The following KIAA1191 variants were observed in gnomAD, a reference collection of about 807,000 sequenced individuals.
KIAA1191 encodes putative monooxygenase p33MONOX.
In KIAA1191, 22 loss-of-function variants were observed where a neutral mutation model predicts 31.1. The observed-to-expected ratio is 0.71, with a 90% CI of 0.51 to 1.01. KIAA1191 has a LOEUF of 1.01. Ranked by LOEUF, KIAA1191 falls within the 50% of genes least tolerant of loss-of-function variation. KIAA1191 has a pLI of 0.00. For missense variants in KIAA1191, 319 were observed against 388.0 expected (o/e 0.82, Z 1.49); for synonymous variants, 130 against 143.9 (o/e 0.90, Z 0.69).
chr5:176,349,540 C>T (rs899140315), intron 6 of KIAA1191, among the ~76,000 whole-genome samples: 7 of 152,074 alleles, frequency 4.6e-5, no homozygotes, highest in Admixed American at 6.5e-5. Context: ...GGCATGGTGG[C>T]GCATGCCTGT....
intron 1 of KIAA1191, among the ~76,000 whole-genome samples, chr5:176,360,139 T>G (rs1167329669): frequency 6.6e-6 from 1 of 151,684 alleles, no homozygotes; most frequent in South Asian, 2.1e-4. Context: ...CAGATATTAT[T>G]TATCCCAATC....
At chr5:176,350,169 C>A (rs568440823) in intron 6 of KIAA1191, among the ~76,000 whole-genome samples, 211 of 152,316 alleles carry the variant, frequency 1.4e-3, no homozygotes, top group African/African-American at 4.7e-3. Flanking sequence ...GCGGTCTTCA[C>A]TGAAAGAAAG....
intron 7 of KIAA1191, 80 bp from the exon 8 acceptor site, chr5:176,348,143 A>G (rs1391153654): frequency 6.9e-6 from 11 of 1,598,220 alleles, no homozygotes; most frequent in African/African-American, 1.3e-5. Context: ...AAGAACAGGG[A>G]ACTATCCCTT....
At chr5:176,354,553 G>C (rs1045410758) in intron 4 of KIAA1191, 7 of 152,288 alleles carry the variant, frequency 4.6e-5, no homozygotes, top group Admixed American at 4.6e-4. Context: ...CTGCACGAAG[G>C]ACTGTGAGGT....
intron 4 of KIAA1191, among the ~76,000 whole-genome samples, chr5:176,354,826 C>T (rs747476386): frequency 4.6e-5 from 7 of 152,078 alleles, no homozygotes; most frequent in Non-Finnish European, 8.8e-5. Context: ...GCAGGGATGA[C>T]GACGGGGACC....
Position 176,346,564 on chromosome 5 carries a change from G to A in KIAA1191, c.*1036C>T, listed in dbSNP as rs1380567546. On this transcript the variant is annotated 3_prime_UTR_variant, in exon 9 of 9. Transcript: ENST00000298569. ...TAGACTTAATTTTCTCTCTTAGGAA[G>A]TTTTTAACCAAATTACAGCTAAATT... 6.6e-6 allele frequency: 1 copy of A among 152,258 alleles called. No individual in the cohort carries two copies. The highest frequency in any genetic ancestry group is 2.4e-5 in the African/African-American group (1 of 41,474). The allele number at this position is 152,258 out of a possible 1,614,324, so 9.4% of individuals were successfully genotyped here. A position where few individuals can be genotyped will look rare whatever the true frequency, so the allele number is the denominator to read the frequency against.
At chr5:176,353,484 C>T (rs1461439280) in intron 4 of KIAA1191, 1 of 152,120 alleles carries the variant, frequency 6.6e-6, no homozygotes, top group Non-Finnish European at 1.5e-5. Flanking sequence ...TCTGGAAGAA[C>T]TGAGAAGAAA....
Position 176,361,167 on chromosome 5 carries a change from A to T in KIAA1191, c.-168+435T>A, listed in dbSNP as rs1348364879. The T allele has an allele frequency of 7.2e-6, 1 of 138,806 alleles. No homozygotes were observed. Among genetic ancestry groups the T allele is most frequent in the Non-Finnish European group, 1.6e-5 (1 of 63,200 alleles). 8.6% of individuals were successfully genotyped at this position (138,806 alleles called of 1,614,324 possible). ...CCCTTTCCCTGTGCCCCCACCCCCC[A>T]GCTCACCGTCCCTCTGCCTCTCCTT... On this transcript the variant is annotated intron_variant, in intron 1 of 8. Coordinates refer to ENST00000298569, the MANE Select transcript of KIAA1191 (RefSeq NM_020444.5). This position sits in a 1 kb window ranked among gnomAD's most constrained non-coding sequence, Gnocchi z 4.0.
intron 4 of KIAA1191, among the ~76,000 whole-genome samples, chr5:176,353,791 C>T (rs1767251626): frequency 6.6e-6 from 1 of 152,228 alleles, no homozygotes; most frequent in Non-Finnish European, 1.5e-5. Context: ...GAGCCATCAG[C>T]AGGGTGTGTG....
At chr5:176,358,608 C>T (rs557482692) in intron 3 of KIAA1191, among the ~76,000 whole-genome samples, 2 of 151,966 alleles carry the variant, frequency 1.3e-5, no homozygotes, top group Admixed American at 1.3e-4. Flanking sequence ...CCCAGCTACT[C>T]GAGGCTGAGG....
chr5:176,351,795 G>C (rs917308384), intron 5 of KIAA1191, among the ~76,000 whole-genome samples: 1 of 151,862 alleles, frequency 6.6e-6, no homozygotes, highest in Non-Finnish European at 1.5e-5. Context: ...CAAAGTAAGA[G>C]TCTGGACCTT....
intron 6 of KIAA1191, among the ~76,000 whole-genome samples, chr5:176,348,657 A>G (rs1766729793): frequency 1.3e-5 from 2 of 151,792 alleles, no homozygotes. Context: ...CCCAGACAGT[A>G]AAATGGAAGA....
In KIAA1191 at chr5:176,360,456, CCA is replaced by C. The variant is rs541385985; in HGVS notation, c.-167-540_-167-539del. ...CAAGCGTGAGCCACCGCGCCCGACC[CCA>C]GTTTTTTTTTTAAGCTATCTCTTAC... On this transcript the variant is annotated intron_variant, in intron 1 of 8. Coordinates refer to ENST00000298569, the MANE Select transcript of KIAA1191 (RefSeq NM_020444.5). Among the ~76,000 whole-genome samples the C allele has an allele frequency of 4.8e-4, 73 of 151,928 alleles. 3 individuals are homozygous for C. In the South Asian group the frequency reaches 0.011, roughly 23 times the overall value.
intron 1 of KIAA1191, among the ~76,000 whole-genome samples, chr5:176,360,427 A>C (rs1355823716): frequency 6.6e-6 from 1 of 151,306 alleles, no homozygotes; most frequent in Non-Finnish European, 1.5e-5. Flanking sequence ...AAGTGCTAGG[A>C]TTACAAGCGT....
Position 176,350,485 on chromosome 5 carries a change from C to T in KIAA1191, c.459+128G>A. 3.3e-6 allele frequency: 4 copies of T among 1,200,608 alleles called. No homozygotes were observed. In the Admixed American group the frequency reaches 7.1e-5, roughly 21 times the overall value. 74.4% of individuals were successfully genotyped at this position (1,200,608 alleles called of 1,614,324 possible). The stretch of plus-strand genomic sequence containing the variant: ...AGGTGGATAAGCAAAAACTACGAGG[C>T]TAAGAGCTCGGGAGCGAGACTAACT... On this transcript the variant is annotated intron_variant, in intron 6 of 8. Transcript: ENST00000298569.
At chr5:176,358,656 G>A (rs1767702662) in intron 3 of KIAA1191, among the ~76,000 whole-genome samples, 1 of 151,926 alleles carries the variant, frequency 6.6e-6, no homozygotes. Context: ...GGAGGTTGCA[G>A]TGAGCTGAGA....
chr5:176,355,579 G>C lies in KIAA1191; in HGVS notation c.199C>G (p.Leu67Val), dbSNP rs1476561911. 1.2e-6 allele frequency: 2 copies of C among 1,607,256 alleles called. No individual in the cohort carries two copies. The highest frequency in any genetic ancestry group is 1.1e-5 in the South Asian group (1 of 90,948). ...PVIPERKYQH[L>V]AKVEEGEASL... Reference sequence around the variant, plus strand: ...CCAGCAGGGTCAGATACCTTGGCGAGGTGCTGATACTTGCGCTCTGGAATC... The same window carrying C: ...CCAGCAGGGTCAGATACCTTGGCGACGTGCTGATACTTGCGCTCTGGAATC... Residue 67 changes from leucine (L) to valine (V), a missense_variant, in exon 4 of 9, where the codon CTC (leucine) becomes GTC (valine). Coordinates refer to ENST00000298569, the MANE Select transcript of KIAA1191 (RefSeq NM_020444.5). This position sits in a 1 kb window ranked among gnomAD's most constrained non-coding sequence, Gnocchi z 4.2.
rs1581349865 is a variant in KIAA1191 at position 176,347,248 on chromosome 5, C to T, written c.*352G>A. ...ATGGCGTCTCGTTCTGTCGCCCAGG[C>T]TGGAGTGTAATGGCATGATCTCAGC... On this transcript the variant is annotated 3_prime_UTR_variant, in exon 9 of 9. Coordinates refer to ENST00000298569, the MANE Select transcript of KIAA1191 (RefSeq NM_020444.5). 1 of 163,008 alleles carries T rather than the reference C, an allele frequency of 6.1e-6. No individual in the cohort carries two copies. Among genetic ancestry groups the T allele is most frequent in the East Asian group, 1.7e-4 (1 of 5,970 alleles). The allele number at this position is 163,008 out of a possible 1,614,324, so 10.1% of individuals were successfully genotyped here. A position where few individuals can be genotyped will look rare whatever the true frequency, so the allele number is the denominator to read the frequency against.
rs1456711980 is a variant in KIAA1191, at chr5:176,347,455, C to G, written c.*145G>C. ...GACCTCAGGTATCCACCTACCTTGG[C>G]CTCCCAAAGTGCTGGGATTACAGGC... is the stretch of plus-strand genomic sequence containing the variant. On this transcript the variant is annotated 3_prime_UTR_variant, in exon 9 of 9. Coordinates refer to ENST00000298569, the MANE Select transcript of KIAA1191 (RefSeq NM_020444.5). 1.8e-6 allele frequency: 1 copy of G among 561,272 alleles called. No homozygotes were observed. Among genetic ancestry groups the G allele is most frequent in the African/African-American group, 1.9e-5 (1 of 52,126 alleles). 34.8% of individuals were successfully genotyped at this position (561,272 alleles called of 1,614,324 possible).
Sources: allele counts gnomAD v4.1 joint callset (sites outside exome capture counted in the v4.1 genomes callset), GRCh38; gene constraint gnomAD v4.1.1; non-coding constraint Gnocchi (gnomAD v3.1); transcripts MANE v1.5; gene names NCBI Gene and HGNC (gene_info 2026-07-23, HGNC 2026-07-21).